TCERG1L: variants seen among roughly 807,000 people sequenced by gnomAD.
TCERG1L encodes the protein transcription elongation regulator 1 like.
A neutral mutation model predicts 56.3 loss-of-function variants in TCERG1L; 37 were observed. The ratio of observed to expected loss-of-function variants is 0.66; its 90% confidence interval spans 0.51 to 0.87. The LOEUF (loss-of-function observed/expected upper bound fraction) is 0.87, where lower values mean the gene tolerates loss of function less well. Among genes scored for constraint, TCERG1L ranks in the 40% least tolerant of loss-of-function variants. The probability of loss-of-function intolerance (pLI) is 0.00; values close to 1 mark genes in which losing one functional copy is unlikely to be tolerated. For synonymous variants in TCERG1L, 324 were observed against 326.3 expected, an observed-to-expected ratio of 0.99 and a Z score of 0.08; for missense variants, 799 against 774.2, an observed-to-expected ratio of 1.03 and a Z score of -0.38.
At chr10:131,151,183 T>C (rs1845862154) in intron 6 of TCERG1L, among the ~76,000 whole-genome samples, 1 of 152,190 alleles carries the variant, frequency 6.6e-6, no homozygotes, top group South Asian at 2.1e-4. Context: ...AATCATGCCT[T>C]TCCAACGGTC....
intron 4 of TCERG1L, among the ~76,000 whole-genome samples, chr10:131,230,993 T>A (rs958749578): frequency 2.2e-5 from 3 of 134,594 alleles, no homozygotes; most frequent in Admixed American, 1.4e-4. Context: ...TTGTTTAGGG[T>A]ACCCCTGAGC....
chr10:131,189,108 A>C (rs561600745), intron 4 of TCERG1L, among the ~76,000 whole-genome samples: 1 of 152,352 alleles, frequency 6.6e-6, no homozygotes, highest in South Asian at 2.1e-4. Flanking sequence ...ATAGGAAAGG[A>C]CATGTAGGTT....
intron 4 of TCERG1L, among the ~76,000 whole-genome samples, chr10:131,199,869 C>T (rs1057499081): frequency 6.6e-6 from 1 of 152,186 alleles, no homozygotes; most frequent in African/African-American, 2.4e-5. Flanking sequence ...AACACCTACT[C>T]GGAGCACTCC....
chr10:131,127,197 C>G (rs1378071360), intron 8 of TCERG1L, among the ~76,000 whole-genome samples: 1 of 152,138 alleles, frequency 6.6e-6, no homozygotes, highest in Non-Finnish European at 1.5e-5. Flanking sequence ...CTAAGCACAC[C>G]GAATTGTTAG....
Position 131,308,381 on chromosome 10 carries a change from T to C in TCERG1L, c.500A>G (p.Asn167Ser). 2 of 1,612,758 alleles carry C rather than the reference T, an allele frequency of 1.2e-6. No individual in the cohort carries two copies. The highest frequency in any genetic ancestry group is 1.7e-6 in the Non-Finnish European group (2 of 1,179,388). ...CGTTGAGTCCAGAGCAAAGGAATTA[T>C]TAAAAAAGATCTGTCGAAAAATAAT... ...KRIPNCKIFFNNSFALDSTWI... is the reference protein window; with the variant it reads ...KRIPNCKIFFSNSFALDSTWI... Residue 167 changes from asparagine (N) to serine (S), a missense_variant, in exon 3 of 12, where the codon AAT becomes AGT. Coordinates refer to ENST00000368642, the MANE Select transcript of TCERG1L (RefSeq NM_174937.4).
chr10:131,093,031 C>T lies in TCERG1L; in HGVS notation c.*131G>A. ...ACAGTAATCCTCTGAGAACGAAGAC[C>T]CCGCAGTGCCGGTGCCCGCTGGGCC... On this transcript the variant is annotated 3_prime_UTR_variant, in exon 12 of 12. Coordinates refer to ENST00000368642, the MANE Select transcript of TCERG1L (RefSeq NM_174937.4). 1.2e-6 allele frequency: 1 copy of T among 829,802 alleles called. No homozygotes were observed. The highest frequency in any genetic ancestry group is 1.8e-5 in the South Asian group (1 of 55,106). 51.4% of individuals were successfully genotyped at this position (829,802 alleles called of 1,614,324 possible).
intron 3 of TCERG1L, among the ~76,000 whole-genome samples, chr10:131,283,441 G>A (rs1454848237): frequency 1.3e-5 from 2 of 152,178 alleles, no homozygotes; most frequent in African/African-American, 4.8e-5. Flanking sequence ...ATAACCAACT[G>A]AGCTTACTGA....
intron 3 of TCERG1L, among the ~76,000 whole-genome samples, chr10:131,286,252 C>T (rs2918116): frequency 0.81 from 123,544 of 152,078 alleles, 50,753 homozygotes; most frequent in East Asian, 0.87. Context: ...CTAAGGAGTA[C>T]TTAGGCACTG....
chr10:131,186,667 G>T (rs1845248437), intron 4 of TCERG1L, among the ~76,000 whole-genome samples: 1 of 152,198 alleles, frequency 6.6e-6, no homozygotes. Context: ...GGCCAAATGT[G>T]TCCCCGAGGA....
chr10:131,261,518 C>T (rs556612099), intron 3 of TCERG1L, among the ~76,000 whole-genome samples: 3 of 152,306 alleles, frequency 2.0e-5, no homozygotes, highest in South Asian at 2.1e-4. Context: ...GTGGTCAGCA[C>T]GATTACATCA....
chr10:131,136,564 C>T (rs1046895103), intron 7 of TCERG1L, among the ~76,000 whole-genome samples: 5 of 152,056 alleles, frequency 3.3e-5, no homozygotes, highest in Admixed American at 1.3e-4. Flanking sequence ...GGTGCGATCT[C>T]GGCTCACTGC....
chr10:131,227,590 A>G (rs1433294122), intron 4 of TCERG1L, among the ~76,000 whole-genome samples: 3 of 152,216 alleles, frequency 2.0e-5, no homozygotes, highest in Non-Finnish European at 4.4e-5. Context: ...ATGCGCCTGC[A>G]TCCACATCGG....
intron 3 of TCERG1L, among the ~76,000 whole-genome samples, chr10:131,302,765 T>C (rs1846778768): frequency 6.6e-6 from 1 of 151,968 alleles, no homozygotes; most frequent in Admixed American, 6.5e-5. Flanking sequence ...CTCCTAATGC[T>C]ATCCCTCTCC....
chr10:131,129,053 T>C (rs1845591938), intron 8 of TCERG1L, among the ~76,000 whole-genome samples: 1 of 152,086 alleles, frequency 6.6e-6, no homozygotes, highest in Non-Finnish European at 1.5e-5. Flanking sequence ...GCAACATTTG[T>C]AAAAAATCTC....
chr10:131,278,930 C>T (rs1019464467), intron 3 of TCERG1L, among the ~76,000 whole-genome samples: 1 of 152,166 alleles, frequency 6.6e-6, no homozygotes, highest in South Asian at 2.1e-4. Context: ...TGGCCTTCAA[C>T]CCCACACCTC....
chr10:131,273,856 G>C (rs910665197), intron 3 of TCERG1L, among the ~76,000 whole-genome samples: 1 of 152,182 alleles, frequency 6.6e-6, no homozygotes, highest in East Asian at 1.9e-4. Flanking sequence ...CACTTCTCTA[G>C]GAAATATGGA....
intron 8 of TCERG1L, among the ~76,000 whole-genome samples, chr10:131,122,351 G>A (rs1845522571): frequency 6.6e-6 from 1 of 152,144 alleles, no homozygotes; most frequent in Non-Finnish European, 1.5e-5. Context: ...CTGAAGATTA[G>A]AGAGTTGGAA....
intron 4 of TCERG1L, among the ~76,000 whole-genome samples, chr10:131,226,057 C>G (rs763287700): frequency 1.3e-5 from 2 of 152,150 alleles, no homozygotes; most frequent in Admixed American, 6.5e-5. Flanking sequence ...CCAGCCTCAG[C>G]CTTCTGAGTA....
intron 4 of TCERG1L, among the ~76,000 whole-genome samples, chr10:131,201,377 G>A (rs1002313973): frequency 2.0e-5 from 3 of 152,112 alleles, no homozygotes; most frequent in Non-Finnish European, 2.9e-5. Flanking sequence ...TGAGGCCATC[G>A]AACATCCGCA....
Sources: gnomAD v4.1 joint callset for allele counts (sites outside exome capture counted in the v4.1 genomes callset) on GRCh38, gnomAD v4.1.1 for gene constraint, MANE v1.5 for transcripts, NCBI Gene and HGNC (gene_info 2026-07-23, HGNC 2026-07-21) for gene names.